RASEF: variants seen among roughly 807,000 people sequenced by gnomAD.
The protein encoded by RASEF is ras and EF-hand domain-containing protein.
RASEF carries 68 observed loss-of-function variants against 90.1 expected under a neutral mutation model. The observed-to-expected ratio is 0.75, with a 90% CI of 0.62 to 0.92. The LOEUF is 0.92. Ranked by LOEUF, RASEF falls within the 40% of genes least tolerant of loss-of-function variation. RASEF has a pLI of 0.00. For missense variants in RASEF, 949 were observed against 937.2 expected (o/e 1.01, Z -0.16); for synonymous variants, 331 against 345.2 (o/e 0.96, Z 0.46).
intron 9 of RASEF, among the ~76,000 whole-genome samples, chr9:83,003,544 C>G (rs1444110044): frequency 6.6e-6 from 1 of 152,120 alleles, no homozygotes; most frequent in Non-Finnish European, 1.5e-5. Context: ...GATTATTTCT[C>G]AATAACAGAA....
the RASEF span, among the ~76,000 whole-genome samples, chr9:83,107,391 G>C: frequency 6.6e-6 from 1 of 152,136 alleles, no homozygotes; most frequent in Non-Finnish European, 1.5e-5. Context: ...ACTGGAATTA[G>C]AGCATGTTCA....
the RASEF span, among the ~76,000 whole-genome samples, chr9:83,088,468 C>T: frequency 5.3e-5 from 8 of 151,834 alleles, no homozygotes; most frequent in African/African-American, 9.7e-5. Context: ...CTTCTGTTAC[C>T]TTGCTGATCT....
chr9:83,029,702 C>T (rs965303677), intron 1 of RASEF, among the ~76,000 whole-genome samples: 2 of 151,196 alleles, frequency 1.3e-5, no homozygotes, highest in Admixed American at 6.6e-5. Flanking sequence ...TGTGCCAACA[C>T]GCCTGGCCCC....
intron 7 of RASEF, among the ~76,000 whole-genome samples, chr9:83,005,743 T>C (rs1329015443): frequency 6.6e-6 from 1 of 152,222 alleles, no homozygotes; most frequent in Non-Finnish European, 1.5e-5. Flanking sequence ...CAACTGTCTA[T>C]GCTGTGGAAC....
At chr9:83,131,974 A>T in the RASEF span, among the ~76,000 whole-genome samples, 39 of 152,262 alleles carry the variant, frequency 2.6e-4, no homozygotes, top group Non-Finnish European at 5.3e-4. Context: ...ATATTAAATT[A>T]AAAAAGAGGG....
chr9:83,143,541 CTT>C, the RASEF span, among the ~76,000 whole-genome samples: 1 of 152,050 alleles, frequency 6.6e-6, no homozygotes, highest in African/African-American at 2.4e-5. Context: ...TAATATTTAA[CTT>C]ATTGCTAATA....
In RASEF at chr9:82,982,645, T is replaced by C. The variant is rs1346411578; in HGVS notation, c.*32A>G. On this transcript the variant is annotated 3_prime_UTR_variant, in exon 17 of 17. Coordinates refer to ENST00000376447, the MANE Select transcript of RASEF (RefSeq NM_152573.4). ...TCACACAAATTCAGTATTCTGGAAA[T>C]GAAGACTTCACAGGCCAAGGATGTT... The C allele has an allele frequency of 8.5e-7, 1 of 1,173,104 alleles. No homozygotes were observed. Among genetic ancestry groups the C allele is most frequent in the African/African-American group, 1.5e-5 (1 of 66,280 alleles). 72.7% of individuals were successfully genotyped at this position (1,173,104 alleles called of 1,614,324 possible).
the RASEF span, among the ~76,000 whole-genome samples, chr9:83,144,391 G>GAAAAGAAA: frequency 3.9e-3 from 128 of 33,242 alleles, 10 homozygotes; most frequent in African/African-American, 0.011. Context: ...AAGAAAGAAA[G>GAAAAGAAA]GAAAGAAAGA....
Position 82,990,392 on chromosome 9 carries a change from G to A in RASEF, c.2116C>T (p.Arg706Ter), listed in dbSNP as rs189903199. ...TACATCCATTTTCCCAAACTTTACC[G>A]AGCAAGGTGCAGAACAGCCTCCACT... Reference protein sequence around the residue: ...NIVEAVLHLAREVKKRTDKDD... With the variant: ...NIVEAVLHLA The change falls in exon 16 of 17, where the codon CGA becomes TGA. Residue 706 changes from arginine to a stop codon, truncating the protein, a stop_gained and splice_region_variant. Transcript: ENST00000376447. LOFTEE classifies it high-confidence loss of function. 1.3e-5 allele frequency: 21 copies of A among 1,611,414 alleles called. No homozygotes were observed. Among genetic ancestry groups the A allele is most frequent in the Admixed American group, 6.7e-5 (4 of 59,798 alleles).
chr9:83,109,894 T>C, the RASEF span, among the ~76,000 whole-genome samples: 2 of 152,200 alleles, frequency 1.3e-5, no homozygotes, highest in Admixed American at 6.5e-5. Context: ...AGGCTGAATC[T>C]CTCTAACTCC....
intron 14 of RASEF, among the ~76,000 whole-genome samples, chr9:82,995,880 A>G (rs1162148661): frequency 6.6e-6 from 1 of 152,178 alleles, no homozygotes; most frequent in African/African-American, 2.4e-5. Flanking sequence ...AGAGCTACCT[A>G]TGCTTTCTAT....
At chr9:83,007,946 T>C (rs1232831722) in intron 6 of RASEF, among the ~76,000 whole-genome samples, 1 of 152,178 alleles carries the variant, frequency 6.6e-6, no homozygotes, top group Non-Finnish European at 1.5e-5. Flanking sequence ...CAACTCCATC[T>C]ATTTTCTCCT....
At chr9:83,152,833 C>T in the RASEF span, among the ~76,000 whole-genome samples, 7 of 152,086 alleles carry the variant, frequency 4.6e-5, no homozygotes, top group African/African-American at 1.4e-4. Flanking sequence ...ATTGATAGTG[C>T]CAACTGTAAC....
Position 83,000,587 on chromosome 9 carries a change from G to T in RASEF, c.1438-17C>A, listed in dbSNP as rs1271625054. On this transcript the variant is annotated splice_polypyrimidine_tract_variant and intron_variant, in intron 10 of 16. Transcript: ENST00000376447. The stretch of plus-strand genomic sequence containing the variant: ...GTCAGGAACCTATTTTTTTTAAAAT[G>T]TCAGCAGTTAAATTAAAAAATGTCA... 2 of 1,576,158 alleles carry T rather than the reference G, an allele frequency of 1.3e-6. No individual in the cohort carries two copies. Among genetic ancestry groups the T allele is most frequent in the South Asian group, 2.3e-5 (2 of 86,082 alleles).
rs114588760 is a variant in RASEF, at chr9:82,984,495, C to T, written c.2118-1713G>A. ...TAAACTGATTCTAGCTATAGGACAG[C>T]TGGTAAATGCAATATACATGTTTTT... On this transcript the variant is annotated intron_variant, in intron 16 of 16. Coordinates refer to ENST00000376447, the MANE Select transcript of RASEF (RefSeq NM_152573.4). Among the ~76,000 whole-genome samples, 929 of 152,274 alleles carry T rather than the reference C, an allele frequency of 6.1e-3. 11 individuals are homozygous for T. The highest frequency in any genetic ancestry group is 0.021 in the African/African-American group (872 of 41,550).
chr9:83,003,226 AC>A (rs1169146254), intron 9 of RASEF, among the ~76,000 whole-genome samples: 1 of 150,408 alleles, frequency 6.6e-6, no homozygotes, highest in Non-Finnish European at 1.5e-5. Context: ...TCACCCCCCC[AC>A]ACACACCCAG....
chr9:83,160,459 T>C, the RASEF span, among the ~76,000 whole-genome samples: 1 of 152,104 alleles, frequency 6.6e-6, no homozygotes, highest in African/African-American at 2.4e-5. Flanking sequence ...TTGAGAGAGA[T>C]GATTTAGGGT....
At chr9:83,144,063 A>G in the RASEF span, among the ~76,000 whole-genome samples, 1 of 152,040 alleles carries the variant, frequency 6.6e-6, no homozygotes, top group Admixed American at 6.6e-5. Context: ...AGAAAAGCAA[A>G]TACCACATGT....
the RASEF span, among the ~76,000 whole-genome samples, chr9:83,197,480 A>G: frequency 6.6e-6 from 1 of 152,180 alleles, no homozygotes; most frequent in Non-Finnish European, 1.5e-5. Context: ...CTCTTCCTTG[A>G]TGGAGCTTAC....
Sources: allele counts gnomAD v4.1 joint callset (sites outside exome capture counted in the v4.1 genomes callset), GRCh38; gene constraint gnomAD v4.1.1; transcripts MANE v1.5; gene names NCBI Gene and HGNC (gene_info 2026-07-23, HGNC 2026-07-21).